ZNF780A: variants seen among roughly 807,000 people sequenced by gnomAD.
The protein encoded by ZNF780A is zinc finger protein 780A.
In ZNF780A, 40 loss-of-function variants were observed where a neutral mutation model predicts 56.7. The observed-to-expected ratio is 0.71, with a 90% CI of 0.55 to 0.92. The LOEUF is 0.92. Among genes scored for constraint, ZNF780A ranks in the 40% least tolerant of loss-of-function variants. ZNF780A has a pLI of 0.00. For missense variants in ZNF780A, 672 were observed against 783.3 expected (o/e 0.86, Z 1.70); for synonymous variants, 231 against 248.3 (o/e 0.93, Z 0.66).
In ZNF780A at chr19:40,074,166, C is replaced by A; in HGVS notation, c.*350G>T. 7.2e-7 allele frequency: 1 copy of A among 1,380,776 alleles called. No homozygotes were observed. Among genetic ancestry groups the A allele is most frequent in the South Asian group, 1.5e-5 (1 of 68,632 alleles). 85.5% of individuals were successfully genotyped at this position (1,380,776 alleles called of 1,614,324 possible). On this transcript the variant is annotated 3_prime_UTR_variant, in exon 6 of 6. Coordinates refer to ENST00000683561, the MANE Select transcript of ZNF780A (RefSeq NM_001142578.2). Reference sequence around the variant, plus strand: ...GTTTGAGCCACTATTGAAGGCCTTCCCACATTTCTCAAATTCAAATGGCTT... The same window carrying A: ...GTTTGAGCCACTATTGAAGGCCTTCACACATTTCTCAAATTCAAATGGCTT...
At position 40,074,967 on chromosome 19, in the gene ZNF780A, T is replaced by C. The variant is rs772670269; in HGVS notation, c.1475A>G (p.Gln492Arg). The C allele has an allele frequency of 6.2e-7, 1 of 1,614,098 alleles. No individual in the cohort carries two copies. The highest frequency in any genetic ancestry group is 1.3e-5 in the African/African-American group (1 of 74,932). The change falls in exon 6 of 6, where the codon CAG becomes CGG. Residue 492 changes from glutamine (Q) to arginine (R), a missense_variant. Physicochemically the swap from Gln to Arg is conservative, Grantham distance 43. Coordinates refer to ENST00000683561, the MANE Select transcript of ZNF780A (RefSeq NM_001142578.2). ...GGGCTTCTCACCAGTGTGAATACTC[T>C]GATGTTGAACAAGGCTTGAGCCACG... The part of the protein sequence containing the change: ...FNRGSSLVQH[Q>R]SIHTGEKPYE...
At chr19:40,085,715 A>G (rs1254696396) in intron 2 of ZNF780A, among the ~76,000 whole-genome samples, 5 of 152,026 alleles carry the variant, frequency 3.3e-5, no homozygotes, top group Non-Finnish European at 2.9e-5. Context: ...CCTCGTCTCT[A>G]CTAAAAATAC....
chr19:40,074,207 G>T lies in ZNF780A; in HGVS notation c.*309C>A. ...CAAATGGCTTCTCGCCAGTATGAAT[G>T]ACCTGAAGTCCAGCAAGCTGTGTCA... On this transcript the variant is annotated 3_prime_UTR_variant, in exon 6 of 6. Transcript: ENST00000683561. The T allele has an allele frequency of 7.1e-7, 1 of 1,402,412 alleles. No individual in the cohort carries two copies. The highest frequency in any genetic ancestry group is 1.5e-5 in the South Asian group (1 of 66,134). The allele number at this position is 1,402,412 out of a possible 1,614,324, so 86.9% of individuals were successfully genotyped here.
intron 5 of ZNF780A, among the ~76,000 whole-genome samples, chr19:40,080,861 A>C (rs1262722374): frequency 6.6e-6 from 1 of 152,160 alleles, no homozygotes; most frequent in African/African-American, 2.4e-5. Flanking sequence ...TAAATAAATA[A>C]ATGGTGCTGG....
intron 2 of ZNF780A, chr19:40,089,398 T>C: frequency 1.1e-6 from 1 of 936,110 alleles, no homozygotes; most frequent in South Asian, 3.5e-5. Flanking sequence ...GAATCACATA[T>C]TCCCAATGCT....
intron 2 of ZNF780A, among the ~76,000 whole-genome samples, chr19:40,087,982 TATCTC>T (rs1974914798): frequency 6.6e-6 from 1 of 152,176 alleles, no homozygotes; most frequent in African/African-American, 2.4e-5. Context: ...ATTAGACCCT[TATCTC>T]AAACCATTAT....
downstream of ZNF780A, chr19:40,072,599 G>A (rs1056468965): frequency 4.4e-5 from 17 of 385,196 alleles, no homozygotes; most frequent in African/African-American, 3.6e-4. Flanking sequence ...CCCTCTTTGG[G>A]TCCCCTCCCT....
At chr19:40,081,274 T>G (rs1460855658) in intron 5 of ZNF780A, among the ~76,000 whole-genome samples, 5 of 151,502 alleles carry the variant, frequency 3.3e-5, no homozygotes, top group African/African-American at 1.2e-4. Flanking sequence ...GGCTCACACC[T>G]GTAATCCCAG....
chr19:40,071,367 T>C (rs1340878045), downstream of ZNF780A: 1 of 152,160 alleles, frequency 6.6e-6, no homozygotes, highest in East Asian at 1.9e-4. Context: ...CCATGATGTA[T>C]AGGTGCTGAT....
At chr19:40,084,650 G>C (rs996713183) in intron 3 of ZNF780A, 95 bp downstream of exon 3, 1 of 1,309,524 alleles carries the variant, frequency 7.6e-7, no homozygotes, top group South Asian at 1.4e-5. Flanking sequence ...GTGTAAGATC[G>C]TGAATTCTAG....
intron 2 of ZNF780A, 73 bp from the exon 3 acceptor site, chr19:40,084,871 G>T: frequency 1.3e-6 from 2 of 1,510,528 alleles, no homozygotes; most frequent in African/African-American, 1.4e-5. Context: ...TTTATCCTCC[G>T]TTCCTATTTC....
chr19:40,083,733 T>C (rs1349956564), intron 3 of ZNF780A, among the ~76,000 whole-genome samples: 1 of 151,772 alleles, frequency 6.6e-6, no homozygotes, highest in Non-Finnish European at 1.5e-5. Flanking sequence ...AAGTTCATTA[T>C]GGTATGAGAT....
At chr19:40,084,849 G>T in intron 2 of ZNF780A, 51 bp from the exon 3 acceptor site, 1 of 1,537,646 alleles carries the variant, frequency 6.5e-7, no homozygotes. Flanking sequence ...TGTCTCAAAA[G>T]CAAATAACTA....
rs930618173 is a variant in ZNF780A at position 40,075,069 on chromosome 19, C to T, written c.1373G>A (p.Cys458Tyr). ...RECEMAFRYHCQLIEHSRIHT... is the reference protein window; with the variant it reads ...RECEMAFRYHYQLIEHSRIHT... ...AATTCGAGAATGTTCAATAAGTTGG[C>T]AATGATATCTAAAGGCCATCTCACA... is the stretch of plus-strand genomic sequence containing the variant. Residue 458 changes from cysteine (C) to tyrosine (Y), a missense_variant, in exon 6 of 6, where the codon TGC (cysteine) becomes TAC (tyrosine). Cys to Tyr is a radical substitution (Grantham distance 194). Coordinates refer to ENST00000683561, the MANE Select transcript of ZNF780A (RefSeq NM_001142578.2). The T allele has an allele frequency of 6.2e-7, 1 of 1,614,030 alleles. No homozygotes were observed. Among genetic ancestry groups the T allele is most frequent in the Non-Finnish European group, 8.5e-7 (1 of 1,180,004 alleles).
intron 2 of ZNF780A, among the ~76,000 whole-genome samples, chr19:40,087,048 G>A (rs1282175188): frequency 1.3e-5 from 2 of 152,058 alleles, no homozygotes; most frequent in East Asian, 3.8e-4. Flanking sequence ...CATGAATATT[G>A]CTTAATGATA....
rs1308484412 is a variant in ZNF780A, at chr19:40,074,465, T to C, written c.*51A>G. 6.2e-7 allele frequency: 1 copy of C among 1,603,894 alleles called. No homozygotes were observed. The highest frequency in any genetic ancestry group is 8.5e-7 in the Non-Finnish European group (1 of 1,174,748). Reference sequence around the variant, plus strand: ...TTTTACACCAGCACGAATACTCTGATGTTGAACATGGTTTGAGACACGATT... The same window carrying C: ...TTTTACACCAGCACGAATACTCTGACGTTGAACATGGTTTGAGACACGATT... On this transcript the variant is annotated 3_prime_UTR_variant, in exon 6 of 6. Transcript: ENST00000683561.
At chr19:40,086,285 A>G (rs1326704295) in intron 2 of ZNF780A, among the ~76,000 whole-genome samples, 1 of 152,030 alleles carries the variant, frequency 6.6e-6, no homozygotes, top group African/African-American at 2.4e-5. Context: ...TCCCCAACCA[A>G]TGTCTTGTAT....
rs141304127 is a variant in ZNF780A at position 40,086,985 on chromosome 19, G to A, written c.-45-2187C>T. ...CCTAAAGTGCTGGGATTTCAGGTGTGAGCCACCGCGCCCCGCCCCATGTAA... is the reference window on the plus strand; with the variant it reads ...CCTAAAGTGCTGGGATTTCAGGTGTAAGCCACCGCGCCCCGCCCCATGTAA... On this transcript the variant is annotated intron_variant, in intron 2 of 5. Coordinates refer to ENST00000683561, the MANE Select transcript of ZNF780A (RefSeq NM_001142578.2). Among the ~76,000 whole-genome samples the A allele has an allele frequency of 6.7e-3, 1,014 of 152,258 alleles. 5 individuals are homozygous for A. Among genetic ancestry groups the A allele is most frequent in the Non-Finnish European group, 0.012 (792 of 68,012 alleles).
Position 40,074,804 on chromosome 19 carries a change from T to A in ZNF780A, c.1638A>T (p.Gln546His). The change falls in exon 6 of 6, where the codon CAA (glutamine) becomes CAT (histidine). Residue 546 changes from glutamine (Q) to histidine (H), a missense_variant. Coordinates refer to ENST00000683561, the MANE Select transcript of ZNF780A (RefSeq NM_001142578.2). ...TCTTTCCAGTATGAATACTTCGATGTTGATTAAGATTTGAACCACGACGAA... is the reference window on the plus strand; with the variant it reads ...TCTTTCCAGTATGAATACTTCGATGATGATTAAGATTTGAACCACGACGAA... ...KFFRRGSNLN[Q>H]HRSIHTGKKP... The A allele has an allele frequency of 6.2e-7, 1 of 1,614,106 alleles. No homozygotes were observed. The highest frequency in any genetic ancestry group is 1.1e-5 in the South Asian group (1 of 91,078).
Sources: gnomAD v4.1 joint callset for allele counts (sites outside exome capture counted in the v4.1 genomes callset) on GRCh38, gnomAD v4.1.1 for gene constraint, MANE v1.5 for transcripts, NCBI Gene and HGNC (gene_info 2026-07-23, HGNC 2026-07-21) for gene names.